The following PIP5K1C variants were observed in gnomAD, a reference collection of about 807,000 sequenced individuals.
The protein encoded by PIP5K1C is phosphatidylinositol 4-phosphate 5-kinase type-1 gamma.
Under a neutral mutation model 80.1 loss-of-function variants are expected in PIP5K1C, and 45 were observed. That is an observed-to-expected ratio of 0.56 (90% CI 0.44 to 0.72). The LOEUF is 0.72. Ranked by LOEUF, PIP5K1C falls within the 30% of genes least tolerant of loss-of-function variation. The pLI is 0.00. For synonymous variants in PIP5K1C, 498 were observed against 420.1 expected (o/e 1.19, Z -2.27); for missense variants, 753 against 954.6 (o/e 0.79, Z 2.78).
At position 3,681,421 on chromosome 19, in the gene PIP5K1C, G is replaced by A. The variant is rs189789580; in HGVS notation, c.95-14068C>T. On this transcript the variant is annotated intron_variant, in intron 1 of 17. Coordinates refer to ENST00000335312, the MANE Select transcript of PIP5K1C (RefSeq NM_012398.3). Reference sequence around the variant, plus strand: ...TAATTTTTGTATTTCTAGTAGCGACGGAATTTTGCCATGTTGGCCAGGCTG... The same window carrying A: ...TAATTTTTGTATTTCTAGTAGCGACAGAATTTTGCCATGTTGGCCAGGCTG... Among the ~76,000 whole-genome samples the A allele has an allele frequency of 7.2e-5, 11 of 152,026 alleles. No individual in the cohort carries two copies. The East Asian group carries it at 1.5e-3, about 21-fold the overall frequency.
chr19:3,688,879 T>A lies in PIP5K1C; in HGVS notation c.94+11418A>T, dbSNP rs1379400269. On this transcript the variant is annotated intron_variant, in intron 1 of 17. Coordinates refer to ENST00000335312, the MANE Select transcript of PIP5K1C (RefSeq NM_012398.3). The surrounding 1 kb of genome is among the most constrained non-coding windows in gnomAD (Gnocchi z 5.3). The stretch of plus-strand genomic sequence containing the variant: ...CACACAGCCGAATACATGCCCCCGG[T>A]CCCCCTTCCAGCCTTGTCCCCAACA... Among the ~76,000 whole-genome samples the A allele has an allele frequency of 1.4e-5, 2 of 146,694 alleles. No homozygotes were observed. Among genetic ancestry groups the A allele is most frequent in the Admixed American group, 6.8e-5 (1 of 14,738 alleles).
chr19:3,642,245 C>G (rs567202310), intron 14 of PIP5K1C, among the ~76,000 whole-genome samples: 1 of 152,210 alleles, frequency 6.6e-6, no homozygotes, highest in Non-Finnish European at 1.5e-5. Flanking sequence ...TTTCACCAGG[C>G]GGCAGCGATT....
rs556959072 is a variant in PIP5K1C, at chr19:3,697,096, G to A, written c.94+3201C>T. ...GGACCAAGGAGGACCGAGCTGGACCGAGGAGGACCAAGGAGGACCGAGCCA... is the reference window on the plus strand; with the variant it reads ...GGACCAAGGAGGACCGAGCTGGACCAAGGAGGACCAAGGAGGACCGAGCCA... On this transcript the variant is annotated intron_variant, in intron 1 of 17. Coordinates refer to ENST00000335312, the MANE Select transcript of PIP5K1C (RefSeq NM_012398.3). Among the ~76,000 whole-genome samples, 32 of 150,482 alleles carry A rather than the reference G, an allele frequency of 2.1e-4. No individual in the cohort carries two copies. In the East Asian group the frequency reaches 2.6e-3, roughly 12 times the overall value.
At chr19:3,689,930 ATTCTT>A (rs2035893083) in intron 1 of PIP5K1C, among the ~76,000 whole-genome samples, 1 of 152,138 alleles carries the variant, frequency 6.6e-6, no homozygotes, top group Admixed American at 6.5e-5. Flanking sequence ...TCACTGTAGC[ATTCTT>A]GCCCCTTCTA....
chr19:3,663,112 C>T lies in PIP5K1C; in HGVS notation c.220-1111G>A, dbSNP rs558255517. ...AACTCCTGACCTCTGGTGATCCTCC[C>T]GCCTCGGCCTCCCAAAGTGCTAGGA... On this transcript the variant is annotated intron_variant, in intron 3 of 17. Coordinates refer to ENST00000335312, the MANE Select transcript of PIP5K1C (RefSeq NM_012398.3). 7.9e-4 allele frequency among the ~76,000 whole-genome samples: 121 copies of T among 152,268 alleles called. 1 individual carries two copies. Among genetic ancestry groups the T allele is most frequent in the African/African-American group, 2.3e-3 (96 of 41,540 alleles).
At chr19:3,693,726 C>A (rs2036016086) in intron 1 of PIP5K1C, among the ~76,000 whole-genome samples, 1 of 152,174 alleles carries the variant, frequency 6.6e-6, no homozygotes, top group Non-Finnish European at 1.5e-5. Context: ...CTCACCCATC[C>A]CTGTCCTGCC....
chr19:3,699,909 G>C lies in PIP5K1C; in HGVS notation c.94+388C>G, dbSNP rs1250408450. On this transcript the variant is annotated intron_variant, in intron 1 of 17. Coordinates refer to ENST00000335312, the MANE Select transcript of PIP5K1C (RefSeq NM_012398.3). ...GGAAAGGTCGCGCACCCGGACTCAG[G>C]TCTGGGGACTTACAGAAAGGGAGGT... 3.3e-5 allele frequency among the ~76,000 whole-genome samples: 5 copies of C among 152,302 alleles called. 1 individual carries two copies. In the South Asian group the frequency reaches 1.0e-3, roughly 32 times the overall value.
chr19:3,636,571 C>A (rs2033695436), intron 16 of PIP5K1C: 1 of 985,604 alleles, frequency 1.0e-6, no homozygotes, highest in East Asian at 1.1e-4. Context: ...CTCCTCCCAG[C>A]AGGCCCCTCT....
At chr19:3,663,296 C>T (rs1444939896) in intron 3 of PIP5K1C, among the ~76,000 whole-genome samples, 1 of 152,224 alleles carries the variant, frequency 6.6e-6, no homozygotes, top group African/African-American at 2.4e-5. Flanking sequence ...GTGCTCCTGT[C>T]GCAGGTGCGA....
chr19:3,639,670 G>T (rs141628037), intron 15 of PIP5K1C, among the ~76,000 whole-genome samples: 1 of 151,730 alleles, frequency 6.6e-6, no homozygotes, highest in East Asian at 1.9e-4. Flanking sequence ...GGGGTCAAGC[G>T]ATCCTCCTGC....
Position 3,700,325 on chromosome 19 carries a change from C to A in PIP5K1C, c.66G>T (p.Ala22=), listed in dbSNP as rs2036258286. ...CCGCCGCCCCGCTCTCTGCCGCCCA[C>A]GCCGCCTCCGAGGGCACGGCCCCCG... ...AEAGAVPSEA[A]WAAESGAAAG... is the part of the protein sequence containing the mutation. The change falls in exon 1 of 18, where the codon GCG becomes GCT. Residue 22 remains alanine (A), a synonymous_variant. Coordinates refer to ENST00000335312, the MANE Select transcript of PIP5K1C (RefSeq NM_012398.3). 7 of 1,295,212 alleles carry A rather than the reference C, an allele frequency of 5.4e-6. No homozygotes were observed. The East Asian group carries it at 2.3e-4, about 43-fold the overall frequency. 80.2% of individuals were successfully genotyped at this position (1,295,212 alleles called of 1,614,324 possible). A position where few individuals can be genotyped will look rare whatever the true frequency, so the allele number is the denominator to read the frequency against.
chr19:3,670,286 AAG>A (rs948281997), intron 1 of PIP5K1C, among the ~76,000 whole-genome samples: 30 of 152,278 alleles, frequency 2.0e-4, no homozygotes, highest in African/African-American at 5.1e-4. Flanking sequence ...CGTATTTGGA[AAG>A]AGAGTCTTTG....
In PIP5K1C at chr19:3,661,866, C is replaced by A. The variant is rs527904737; in HGVS notation, c.350+5G>T. The A allele has an allele frequency of 1.2e-6, 2 of 1,611,328 alleles. No individual in the cohort carries two copies. The highest frequency in any genetic ancestry group is 1.3e-5 in the African/African-American group (1 of 75,064). ...GAGCCCTGAGGCTCCGGGGGCCCGG[C>A]CCACCTGGGGAAGAAGATGCTCTCC... On this transcript the variant is annotated splice_donor_5th_base_variant and intron_variant, in intron 4 of 17. Transcript: ENST00000335312.
At chr19:3,698,002 A>G (rs1402506507) in intron 1 of PIP5K1C, among the ~76,000 whole-genome samples, 5 of 152,386 alleles carry the variant, frequency 3.3e-5, no homozygotes, top group African/African-American at 1.2e-4. Flanking sequence ...CCATCGGATC[A>G]GCCGAAATCG....
At chr19:3,642,444 T>C (rs1408102620) in intron 14 of PIP5K1C, among the ~76,000 whole-genome samples, 3 of 152,056 alleles carry the variant, frequency 2.0e-5, no homozygotes, top group Non-Finnish European at 2.9e-5. Flanking sequence ...GTCAGTCGAG[T>C]GACAACAGCA....
At chr19:3,659,964 G>C (rs1032711729) in intron 5 of PIP5K1C, among the ~76,000 whole-genome samples, 1 of 152,204 alleles carries the variant, frequency 6.6e-6, no homozygotes, top group Non-Finnish European at 1.5e-5. Flanking sequence ...CTTGTCTACA[G>C]AGTTCCAGTC....
chr19:3,677,026 C>T (rs2035381016), intron 1 of PIP5K1C, among the ~76,000 whole-genome samples: 1 of 151,904 alleles, frequency 6.6e-6, no homozygotes, highest in South Asian at 2.1e-4. Context: ...CACTTGAACC[C>T]AGAAGTTTGA....
Position 3,641,885 on chromosome 19 carries a change from C to T in PIP5K1C, c.1683-76G>A, listed in dbSNP as rs534641786. On this transcript the variant is annotated intron_variant, in intron 14 of 17. Coordinates refer to ENST00000335312, the MANE Select transcript of PIP5K1C (RefSeq NM_012398.3). Reference sequence around the variant, plus strand: ...CCTACCCCCAGGAGTGCCCAGTGAACTCCAGGGCCAGTCCCAGAGGGGAGT... The same window carrying T: ...CCTACCCCCAGGAGTGCCCAGTGAATTCCAGGGCCAGTCCCAGAGGGGAGT... 324 of 1,175,186 alleles carry T rather than the reference C, an allele frequency of 2.8e-4. 2 individuals are homozygous for T. The African/African-American group carries it at 4.1e-3, about 15-fold the overall frequency. The allele number at this position is 1,175,186 out of a possible 1,614,324, so 72.8% of individuals were successfully genotyped here.
chr19:3,658,534 C>T (rs991700588), intron 5 of PIP5K1C, among the ~76,000 whole-genome samples: 9 of 152,362 alleles, frequency 5.9e-5, no homozygotes, highest in African/African-American at 1.9e-4. Context: ...GGCGCAGCAG[C>T]GCAGAGCGAA....
Sources: allele counts gnomAD v4.1 joint callset (sites outside exome capture counted in the v4.1 genomes callset), GRCh38; gene constraint gnomAD v4.1.1; non-coding constraint Gnocchi (gnomAD v3.1); transcripts MANE v1.5; gene names NCBI Gene and HGNC (gene_info 2026-07-23, HGNC 2026-07-21).